The following TBXAS1 variants were observed in gnomAD, a reference collection of about 807,000 sequenced individuals.
The protein encoded by TBXAS1 is thromboxane A synthase 1, also known as thromboxane-A synthase.
A neutral mutation model predicts 60.7 loss-of-function variants in TBXAS1; 48 were observed. That is an observed-to-expected ratio of 0.79 (90% CI 0.63 to 1.01). The LOEUF is 1.01. Among genes scored for constraint, TBXAS1 ranks in the 50% least tolerant of loss-of-function variants. The probability of loss-of-function intolerance (pLI) is 0.00; values close to 1 mark genes in which losing one functional copy is unlikely to be tolerated. For synonymous variants in TBXAS1, 287 were observed against 269.7 expected, an observed-to-expected ratio of 1.06 and a Z score of -0.63; for missense variants, 685 against 686.3, an observed-to-expected ratio of 1.00 and a Z score of 0.02.
In TBXAS1 at chr7:139,872,247, A is replaced by G. The variant is rs1801872716; in HGVS notation, c.102A>G (p.Ser34=). 2.5e-6 allele frequency: 4 copies of G among 1,614,030 alleles called. No homozygotes were observed. In the East Asian group the frequency reaches 6.7e-5, roughly 27 times the overall value. ...CTTTTCCCTCCAGGTACTCCACATC[A>G]GCATTCTCAAGACTGGAGAAGTTAG... ...LLALLKWYST[S]AFSRLEKLGL... The change falls in exon 2 of 13, where the codon TCA becomes TCG. Residue 34 remains serine (S), a synonymous_variant. Transcript: ENST00000448866.
At chr7:139,839,550 G>A (rs1799286470) in intron 1 of TBXAS1, among the ~76,000 whole-genome samples, 1 of 151,866 alleles carries the variant, frequency 6.6e-6, no homozygotes, top group Non-Finnish European at 1.5e-5. Context: ...TCAAAAATAG[G>A]AATTCAGGCT....
intron 4 of TBXAS1, among the ~76,000 whole-genome samples, chr7:139,796,791 CTT>C (rs1473177604): frequency 6.6e-6 from 1 of 152,158 alleles, no homozygotes; most frequent in Non-Finnish European, 1.5e-5. Flanking sequence ...TAAAACAGCT[CTT>C]AAAAAATAAA....
At chr7:139,914,665 C>G (rs1376299355) in intron 4 of TBXAS1, among the ~76,000 whole-genome samples, 1 of 152,180 alleles carries the variant, frequency 6.6e-6, no homozygotes, top group African/African-American at 2.4e-5. Context: ...ACTGCCTCCT[C>G]CAGGAAGCCT....
chr7:139,798,308 G>A (rs897002456), intron 4 of TBXAS1, among the ~76,000 whole-genome samples: 1 of 152,180 alleles, frequency 6.6e-6, no homozygotes, highest in Non-Finnish European at 1.5e-5. Flanking sequence ...CAAGGAGAGG[G>A]AGAAAGAGAT....
chr7:139,958,974 A>T (rs780930855), intron 8 of TBXAS1, among the ~76,000 whole-genome samples: 2 of 151,626 alleles, frequency 1.3e-5, no homozygotes, highest in African/African-American at 2.4e-5. Context: ...TCAACCCTCA[A>T]CATTGCTACT....
At position 139,792,833 on chromosome 7, in the gene TBXAS1, C is replaced by A. The variant is rs113475654; in HGVS notation, c.-80+5407C>A. On this transcript the variant is annotated intron_variant, in intron 4 of 16. Transcript: ENST00000336425. Reference sequence around the variant, plus strand: ...CAAAAGAGATATCCTGGAAAATGCACTTTTAAAGTCATAACTATCATTTGA... The same window carrying A: ...CAAAAGAGATATCCTGGAAAATGCAATTTTAAAGTCATAACTATCATTTGA... Among the ~76,000 whole-genome samples, 238 of 152,282 alleles carry A rather than the reference C, an allele frequency of 1.6e-3. 2 individuals are homozygous for A. Among genetic ancestry groups the A allele is most frequent in the African/African-American group, 5.5e-3 (230 of 41,560 alleles).
Position 139,852,976 on chromosome 7 carries a change from A to G in TBXAS1, c.90-19259A>G, listed in dbSNP as rs1285188575. ...CACACACACACACACACACACACAC[A>G]CACACACACACACAGTTGGCCAAAG... On this transcript the variant is annotated intron_variant, in intron 1 of 12. Coordinates refer to ENST00000448866, the MANE Select transcript of TBXAS1 (RefSeq NM_001061.7). The surrounding 1 kb of genome is among the most constrained non-coding windows in gnomAD (Gnocchi z 4.4). Among the ~76,000 whole-genome samples, 2 of 129,960 alleles carry G rather than the reference A, an allele frequency of 1.5e-5. No homozygotes were observed. The highest frequency in any genetic ancestry group is 7.5e-5 in the Admixed American group (1 of 13,330). 85.3% of individuals were successfully genotyped at this position (129,960 alleles called of 152,430 possible). A position where few individuals can be genotyped will look rare whatever the true frequency, so the allele number is the denominator to read the frequency against.
intron 5 of TBXAS1, among the ~76,000 whole-genome samples, chr7:139,951,838 AGAAAGAAGGAAGGAAGGAAG>A (rs1306930587): frequency 1.1e-4 from 3 of 26,870 alleles, no homozygotes; most frequent in South Asian, 1.1e-3. Flanking sequence ...GAGGAAAGAA[AGAAAGAAGGAAGGAAGGAAG>A]GAAAGAAGGA....
At chr7:139,887,509 AGTG>A (rs1335269596) in intron 3 of TBXAS1, among the ~76,000 whole-genome samples, 2 of 152,208 alleles carry the variant, frequency 1.3e-5, no homozygotes, top group Non-Finnish European at 2.9e-5. Context: ...ACCTCAATAA[AGTG>A]GAATCATATG....
In TBXAS1 at chr7:139,936,375, G is replaced by C. The variant is rs1019109613; in HGVS notation, c.450+68G>C. On this transcript the variant is annotated intron_variant, in intron 5 of 12. Transcript: ENST00000448866. ...GTTTCTTCTCTCCAAATCGTGATGA[G>C]AGCCAGTTCATGTTGCATCACTTGC... The C allele has an allele frequency of 4.0e-6, 6 of 1,489,444 alleles. No individual in the cohort carries two copies. The Admixed American group carries it at 5.0e-5, about 12-fold the overall frequency. 92.3% of individuals were successfully genotyped at this position (1,489,444 alleles called of 1,614,324 possible).
chr7:139,935,738 C>T (rs1246218634), intron 4 of TBXAS1, among the ~76,000 whole-genome samples: 5 of 152,066 alleles, frequency 3.3e-5, no homozygotes, highest in African/African-American at 4.8e-5. Flanking sequence ...AGGGTCCAGA[C>T]GAGTGAGTCT....
In TBXAS1 at chr7:140,019,980, A is replaced by C. The variant is rs376159667; in HGVS notation, c.1528-45A>C. Reference sequence around the variant, plus strand: ...TCCAAGTCTTCATTTGTACAGTGAGATGCTACTATCTCTTTGACAAATATT... The same window carrying C: ...TCCAAGTCTTCATTTGTACAGTGAGCTGCTACTATCTCTTTGACAAATATT... On this transcript the variant is annotated intron_variant, in intron 12 of 12. Coordinates refer to ENST00000448866, the MANE Select transcript of TBXAS1 (RefSeq NM_001061.7). The C allele has an allele frequency of 1.9e-6, 3 of 1,574,760 alleles. No homozygotes were observed. The African/African-American group carries it at 4.0e-5, about 21-fold the overall frequency.
intron 3 of TBXAS1, among the ~76,000 whole-genome samples, chr7:139,889,996 T>A (rs867701300): frequency 1.3e-5 from 2 of 152,124 alleles, no homozygotes; most frequent in Admixed American, 1.3e-4. Context: ...AGGGTAGGCC[T>A]GGAATCCGGA....
At chr7:139,943,589 C>T (rs530879856) in intron 5 of TBXAS1, among the ~76,000 whole-genome samples, 30 of 152,308 alleles carry the variant, frequency 2.0e-4, no homozygotes, top group Admixed American at 8.5e-4. Flanking sequence ...TGCTTGGCAA[C>T]GCCAGCAGCC....
chr7:139,784,999 C>T (rs1797141961), intron 3 of TBXAS1, among the ~76,000 whole-genome samples: 1 of 152,154 alleles, frequency 6.6e-6, no homozygotes, highest in South Asian at 2.1e-4. Flanking sequence ...AGGATGCAGA[C>T]TCCTCAGGCA....
rs559434015 is a variant in TBXAS1 at position 139,869,974 on chromosome 7, G to A, written c.90-2261G>A. On this transcript the variant is annotated intron_variant, in intron 1 of 12. Transcript: ENST00000448866. The stretch of plus-strand genomic sequence containing the variant: ...TGCTATTTTGCCCATAAATTTGGTG[G>A]CAATGATCTCTCCCTGCAGATTTGG... 2.0e-5 allele frequency among the ~76,000 whole-genome samples: 3 copies of A among 152,246 alleles called. No homozygotes were observed. The South Asian group carries it at 6.2e-4, about 32-fold the overall frequency.
intron 7 of TBXAS1, among the ~76,000 whole-genome samples, chr7:139,956,101 G>A (rs1024418330): frequency 2.0e-5 from 3 of 152,052 alleles, no homozygotes; most frequent in African/African-American, 7.2e-5. Flanking sequence ...TGAGGATTAG[G>A]TCACCCAATG....
chr7:139,974,218 T>C (rs1441776749), intron 9 of TBXAS1, among the ~76,000 whole-genome samples: 1 of 152,160 alleles, frequency 6.6e-6, no homozygotes, highest in Non-Finnish European at 1.5e-5. Context: ...ATGAACCAAC[T>C]TTTTCATGAA....
At chr7:139,924,507 G>T (rs981733203) in intron 4 of TBXAS1, among the ~76,000 whole-genome samples, 15 of 151,600 alleles carry the variant, frequency 9.9e-5, no homozygotes, top group African/African-American at 3.2e-4. Context: ...GGATTATTAG[G>T]TTTTTTTCCT....
Sources: gnomAD v4.1 joint callset for allele counts (sites outside exome capture counted in the v4.1 genomes callset) on GRCh38, gnomAD v4.1.1 for gene constraint, Gnocchi (gnomAD v3.1) non-coding constraint, MANE v1.5 for transcripts, NCBI Gene and HGNC (gene_info 2026-07-23, HGNC 2026-07-21) for gene names.